The following LAMA1 variants were observed in gnomAD, a reference collection of about 807,000 sequenced individuals.
The protein encoded by LAMA1 is laminin subunit alpha-1.
A neutral mutation model predicts 348.7 loss-of-function variants in LAMA1; 219 were observed. The observed-to-expected ratio is 0.63, with a 90% confidence interval of 0.56 to 0.70. The LOEUF is 0.70. LAMA1 is among the 30% of genes least tolerant of loss of function. The pLI, the probability that LAMA1 is intolerant of heterozygous loss-of-function variation, is 0.00. For synonymous variants in LAMA1, 1,487 were observed against 1,491.0 expected, an observed-to-expected ratio of 1.00 and a Z score of 0.06; for missense variants, 3,744 against 3,888.0, an observed-to-expected ratio of 0.96 and a Z score of 0.99.
At chr18:7,013,222 T>A (rs1025806991) in intron 23 of LAMA1, among the ~76,000 whole-genome samples, 1 of 152,008 alleles carries the variant, frequency 6.6e-6, no homozygotes, top group Non-Finnish European at 1.5e-5. Flanking sequence ...CAGGCCATGA[T>A]ATGTACATGA....
At position 6,961,727 on chromosome 18, in the gene LAMA1, G is replaced by A. The variant is rs753129400; in HGVS notation, c.7485C>T (p.Gly2495=). The change falls in exon 53 of 63, where the codon GGC becomes GGT. Residue 2495 remains glycine, a synonymous_variant. Transcript: ENST00000389658. The part of the protein sequence containing the change: ...PIRSVSFLKG[G]YIELPPKSLS... ...AAGATTTGGGTGGCAATTCAATGTA[G>A]CCGCCTTTCAGGAAGCTAACACTCC... 1.2e-6 allele frequency: 2 copies of A among 1,614,154 alleles called. No individual in the cohort carries two copies. The highest frequency in any genetic ancestry group is 1.7e-6 in the Non-Finnish European group (2 of 1,180,030).
intron 58 of LAMA1, among the ~76,000 whole-genome samples, chr18:6,950,217 G>C (rs967761753): frequency 6.6e-6 from 1 of 152,052 alleles, no homozygotes; most frequent in African/African-American, 2.4e-5. Flanking sequence ...CTTATCCCCC[G>C]GCTGCCAAAC....
intron 44 of LAMA1, among the ~76,000 whole-genome samples, chr18:6,976,445 A>G (rs1356941128): frequency 6.6e-6 from 1 of 152,164 alleles, no homozygotes; most frequent in Non-Finnish European, 1.5e-5. Context: ...GAGGTAATAT[A>G]TTTATTCACT....
At chr18:7,117,305 C>T (rs1035474291) in intron 1 of LAMA1, among the ~76,000 whole-genome samples, 3 of 151,600 alleles carry the variant, frequency 2.0e-5, no homozygotes, top group Non-Finnish European at 2.9e-5. Flanking sequence ...AAGCAACCCC[C>T]GGCGCCCCGC....
At chr18:7,101,288 C>A (rs1354539224) in intron 1 of LAMA1, among the ~76,000 whole-genome samples, 1 of 152,182 alleles carries the variant, frequency 6.6e-6, no homozygotes, top group African/African-American at 2.4e-5. Flanking sequence ...AGATTCTCCT[C>A]ACTCTTGTAA....
At chr18:7,033,121 A>G in intron 14 of LAMA1, 26 bp from the exon 15 acceptor site, 1 of 1,489,034 alleles carries the variant, frequency 6.7e-7, no homozygotes, top group Non-Finnish European at 9.3e-7. Context: ...TTGTTATGTG[A>G]CTCACACGCT....
intron 56 of LAMA1, chr18:6,955,737 A>G (rs1188610627): frequency 9.3e-6 from 5 of 536,736 alleles, no homozygotes; most frequent in Non-Finnish European, 1.7e-5. Flanking sequence ...CTCTCCTACA[A>G]ATTTTCATCA....
At chr18:7,021,847 TTA>T (rs1555654379) in intron 19 of LAMA1, among the ~76,000 whole-genome samples, 1 of 61,732 alleles carries the variant, frequency 1.6e-5, no homozygotes, top group Non-Finnish European at 3.0e-5. Flanking sequence ...ATATATTATA[TTA>T]TATTATATAT....
chr18:6,960,692 G>T (rs1455831989), intron 53 of LAMA1: 1 of 139,180 alleles, frequency 7.2e-6, no homozygotes, highest in African/African-American at 3.2e-5. Flanking sequence ...AAAAAAAAAA[G>T]ATCAGTGGAA....
At chr18:7,107,011 T>A (rs2058314562) in intron 1 of LAMA1, among the ~76,000 whole-genome samples, 2 of 152,030 alleles carry the variant, frequency 1.3e-5, no homozygotes, top group South Asian at 4.1e-4. Context: ...CCTGGACTAC[T>A]CATTTCACCC....
Position 7,005,070 on chromosome 18 carries a change from A to C in LAMA1, c.4260+2069T>G, listed in dbSNP as rs574207812. On this transcript the variant is annotated intron_variant, in intron 29 of 62. Coordinates refer to ENST00000389658, the MANE Select transcript of LAMA1 (RefSeq NM_005559.4). The stretch of plus-strand genomic sequence containing the variant: ...AGGCTCAGGGCAGGATACCGAAGAC[A>C]GACAGTGACATGCACACCACAGGCT... Among the ~76,000 whole-genome samples the C allele has an allele frequency of 3.3e-5, 5 of 152,310 alleles. No homozygotes were observed. In the South Asian group the frequency reaches 1.0e-3, roughly 32 times the overall value.
chr18:7,000,346 G>A (rs1381247638), intron 30 of LAMA1, among the ~76,000 whole-genome samples: 1 of 152,252 alleles, frequency 6.6e-6, no homozygotes, highest in African/African-American at 2.4e-5. Flanking sequence ...AAGGTGGTAA[G>A]AGAGCTGAAA....
chr18:7,050,394 C>T (rs1239740179), intron 4 of LAMA1, among the ~76,000 whole-genome samples: 1 of 152,148 alleles, frequency 6.6e-6, no homozygotes, highest in East Asian at 1.9e-4. Flanking sequence ...TTTTAGCTCT[C>T]TAATATTTCA....
At chr18:7,035,954 G>A (rs2057992549) in intron 13 of LAMA1, 33 bp downstream of exon 13, 1 of 1,539,580 alleles carries the variant, frequency 6.5e-7, no homozygotes, top group Non-Finnish European at 9.0e-7. Context: ...TAAGCCCTAA[G>A]CTCTATAGCA....
At position 6,966,145 on chromosome 18, in the gene LAMA1, A is replaced by G; in HGVS notation, c.7050+2T>C. 6.2e-7 allele frequency: 1 copy of G among 1,614,110 alleles called. No individual in the cohort carries two copies. The highest frequency in any genetic ancestry group is 8.5e-7 in the Non-Finnish European group (1 of 1,179,986). ...GGCCTAGGGCCGCACAAACACTCTT[A>G]CTGTGCCGTATGAACCCAGGTAGAG... On this transcript the variant is annotated splice_donor_variant, in intron 49 of 62. Coordinates refer to ENST00000389658, the MANE Select transcript of LAMA1 (RefSeq NM_005559.4). LOFTEE classifies it high-confidence loss of function.
chr18:7,000,066 C>A, intron 30 of LAMA1, 69 bp from the exon 31 acceptor site: 1 of 1,147,954 alleles, frequency 8.7e-7, no homozygotes, highest in South Asian at 1.3e-5. Context: ...GGTACTTATT[C>A]ATTACTCTTA....
chr18:7,010,396 A>AT lies in LAMA1; in HGVS notation c.3688-12dup. On this transcript the variant is annotated splice_polypyrimidine_tract_variant and intron_variant, in intron 25 of 62. Coordinates refer to ENST00000389658, the MANE Select transcript of LAMA1 (RefSeq NM_005559.4). ...ACCATAGGCCATGAGCTATCAAATA[A>AT]TAAAGTGTTGTTTACTTCTCTGACA... is the stretch of plus-strand genomic sequence containing the variant. The AT allele has an allele frequency of 6.2e-7, 1 of 1,613,098 alleles. No homozygotes were observed. The highest frequency in any genetic ancestry group is 1.3e-5 in the African/African-American group (1 of 75,060).
At chr18:6,967,604 T>C (rs999978504) in intron 48 of LAMA1, among the ~76,000 whole-genome samples, 2 of 152,302 alleles carry the variant, frequency 1.3e-5, no homozygotes, top group African/African-American at 4.8e-5. Context: ...AACAGATGTT[T>C]TCTCTCATTA....
intron 9 of LAMA1, among the ~76,000 whole-genome samples, chr18:7,041,673 G>A (rs1452672736): frequency 6.6e-6 from 1 of 152,192 alleles, no homozygotes; most frequent in African/African-American, 2.4e-5. Flanking sequence ...GATGATTTAT[G>A]CAAAAGCCCT....
Sources: allele counts gnomAD v4.1 joint callset (sites outside exome capture counted in the v4.1 genomes callset), GRCh38; gene constraint gnomAD v4.1.1; transcripts MANE v1.5; gene names NCBI Gene and HGNC (gene_info 2026-07-23, HGNC 2026-07-21).